RRM2: variants seen among roughly 807,000 people sequenced by gnomAD.
RRM2 encodes ribonucleoside-diphosphate reductase subunit M2.
In RRM2, 6 loss-of-function variants were observed where a neutral mutation model predicts 45.9. The ratio of observed to expected loss-of-function variants is 0.13; its 90% CI spans 0.07 to 0.26. RRM2 has a LOEUF of 0.26. RRM2 is among the 10% of genes least tolerant of loss of function. The pLI is 1.00. For missense variants in RRM2, 343 were observed against 489.5 expected (o/e 0.70, Z 2.82); for synonymous variants, 177 against 173.0 (o/e 1.02, Z -0.18).
chr2:10,176,397 T>A (rs1663914945), intron 3 of RRM2, among the ~76,000 whole-genome samples: 2 of 152,184 alleles, frequency 1.3e-5, no homozygotes, highest in African/African-American at 4.8e-5. Context: ...GCCTCCCAAG[T>A]CGCTGGGATT....
At chr2:10,186,236 T>C (rs184409448) in intron 3 of RRM2, among the ~76,000 whole-genome samples, 479 of 152,276 alleles carry the variant, frequency 3.1e-3, no homozygotes, top group Non-Finnish European at 5.5e-3. Context: ...GCAGTGGTTT[T>C]CTTTTTTCTG....
At chr2:10,161,680 TCACA>T (rs59307518) in intron 3 of RRM2, among the ~76,000 whole-genome samples, 33,732 of 149,804 alleles carry the variant, frequency 0.23, 3,933 homozygotes, top group South Asian at 0.41. Flanking sequence ...ACACACACAT[TCACA>T]CACACACACA....
chr2:10,141,550 A>C (rs1029103136), exon 1 of RRM2: 11 of 407,596 alleles, frequency 2.7e-5, no homozygotes, highest in Non-Finnish European at 4.1e-5. Flanking sequence ...GTGGCTATTA[A>C]CTGTGGTTGT....
At chr2:10,147,229 G>T (rs912480180) in intron 3 of RRM2, among the ~76,000 whole-genome samples, 1 of 152,120 alleles carries the variant, frequency 6.6e-6, no homozygotes, top group Non-Finnish European at 1.5e-5. Flanking sequence ...GGGATTACAC[G>T]TGTGAGCCAC....
chr2:10,180,239 G>C (rs888525972), intron 3 of RRM2, among the ~76,000 whole-genome samples: 8 of 152,208 alleles, frequency 5.3e-5, no homozygotes, highest in Non-Finnish European at 1.2e-4. Flanking sequence ...CGTCCTGGGG[G>C]AAGCTGGCTT....
upstream of RRM2, among the ~76,000 whole-genome samples, chr2:10,138,229 G>T (rs1034387246): frequency 6.6e-6 from 1 of 150,580 alleles, no homozygotes; most frequent in South Asian, 2.1e-4. Flanking sequence ...GTGCAATGGC[G>T]CAATCTCAGC....
At chr2:10,191,977 C>G (rs989548880) in intron 3 of RRM2, among the ~76,000 whole-genome samples, 12 of 152,168 alleles carry the variant, frequency 7.9e-5, no homozygotes, top group African/African-American at 2.9e-4. Flanking sequence ...TCCTGGCTGT[C>G]TTGTCACTTG....
chr2:10,183,939 C>A (rs560818630), intron 3 of RRM2, among the ~76,000 whole-genome samples: 1 of 151,364 alleles, frequency 6.6e-6, no homozygotes, highest in South Asian at 2.1e-4. Context: ...AATACAAAAA[C>A]AAAATCAGCC....
intron 3 of RRM2, among the ~76,000 whole-genome samples, chr2:10,192,829 C>T (rs964386845): frequency 6.6e-6 from 1 of 152,204 alleles, no homozygotes; most frequent in Admixed American, 6.5e-5. Context: ...GTTCTAGGAC[C>T]CTCCTCTCCA....
At chr2:10,175,109 G>A (rs1045756188) in intron 3 of RRM2, among the ~76,000 whole-genome samples, 32 of 152,148 alleles carry the variant, frequency 2.1e-4, no homozygotes, top group Non-Finnish European at 3.5e-4. Context: ...GCAGAAAAGT[G>A]CACAAATCTG....
At chr2:10,173,998 A>G (rs147322306) in intron 3 of RRM2, among the ~76,000 whole-genome samples, 2 of 152,280 alleles carry the variant, frequency 1.3e-5, no homozygotes, top group African/African-American at 4.8e-5. Context: ...TGCAATTCAC[A>G]TGTTGAGGCC....
chr2:10,122,829 A>G lies in RRM2; in HGVS notation c.31A>G (p.Ile11Val), dbSNP rs1227707869. 2 of 1,599,740 alleles carry G rather than the reference A, an allele frequency of 1.3e-6. No homozygotes were observed. Among genetic ancestry groups the G allele is most frequent in the East Asian group, 2.3e-5 (1 of 44,350 alleles). MLSLRVPLAPITDPQQLQLSP... is the reference protein window; with the variant it reads MLSLRVPLAPVTDPQQLQLSP... ...CTCCCTCCGTGTCCCGCTCGCGCCCATCACGGACCCGCAGCAGCTGCAGCT... is the reference window on the plus strand; with the variant it reads ...CTCCCTCCGTGTCCCGCTCGCGCCCGTCACGGACCCGCAGCAGCTGCAGCT... The change falls in exon 1 of 10, where the codon ATC becomes GTC. Residue 11 changes from isoleucine to valine, a missense_variant. Transcript: ENST00000304567.
intron 3 of RRM2, among the ~76,000 whole-genome samples, chr2:10,197,113 G>T (rs1429070478): frequency 6.6e-6 from 1 of 152,192 alleles, no homozygotes; most frequent in South Asian, 2.1e-4. Flanking sequence ...CAGGCCCTAG[G>T]TCTGTACTCA....
intron 3 of RRM2, among the ~76,000 whole-genome samples, chr2:10,187,014 G>T (rs1289864355): frequency 6.6e-6 from 1 of 152,232 alleles, no homozygotes; most frequent in Non-Finnish European, 1.5e-5. Context: ...GTGCGTGCGG[G>T]GCTGGTGCCG....
downstream of RRM2, among the ~76,000 whole-genome samples, chr2:10,135,190 G>C (rs1349013280): frequency 6.6e-6 from 1 of 151,028 alleles, no homozygotes; most frequent in Non-Finnish European, 1.5e-5. Context: ...GAAATTGGTT[G>C]GTCCACAGTG....
intron 3 of RRM2, among the ~76,000 whole-genome samples, chr2:10,142,778 C>G (rs1009149325): frequency 6.6e-6 from 1 of 152,232 alleles, no homozygotes; most frequent in Middle Eastern, 3.2e-3. Flanking sequence ...AGCCCCTCCC[C>G]TCACCGCAGC....
chr2:10,200,901 CTT>C, intron 3 of RRM2, among the ~76,000 whole-genome samples: 2 of 152,300 alleles, frequency 1.3e-5, no homozygotes, highest in South Asian at 4.1e-4. Flanking sequence ...AATCCCAGCA[CTT>C]TGGGAGCCCG....
intron 3 of RRM2, among the ~76,000 whole-genome samples, chr2:10,207,154 C>A (rs898477558): frequency 2.0e-5 from 3 of 152,176 alleles, no homozygotes; most frequent in Non-Finnish European, 2.9e-5. Context: ...TGACCACAGT[C>A]ACTTGGGCCA....
Position 10,128,966 on chromosome 2 carries a change from T to G in RRM2, c.903+14T>G, listed in dbSNP as rs562648012. The G allele has an allele frequency of 6.2e-7, 1 of 1,609,890 alleles. No homozygotes were observed. Among genetic ancestry groups the G allele is most frequent in the Non-Finnish European group, 8.5e-7 (1 of 1,176,136 alleles). ...CGGATAGAACAGGTAAAGTGGGTGA[T>G]GAAATGGGTCACTCAAGCTTGCTAG... On this transcript the variant is annotated intron_variant, in intron 8 of 9. Coordinates refer to ENST00000304567, the MANE Select transcript of RRM2 (RefSeq NM_001034.4).
Sources: gnomAD v4.1 joint callset for allele counts (sites outside exome capture counted in the v4.1 genomes callset) on GRCh38, gnomAD v4.1.1 for gene constraint, MANE v1.5 for transcripts, NCBI Gene and HGNC (gene_info 2026-07-23, HGNC 2026-07-21) for gene names.